CADM1: variants seen among roughly 807,000 people sequenced by gnomAD.
CADM1 encodes the protein cell adhesion molecule 1.
A neutral mutation model predicts 53.1 loss-of-function variants in CADM1; 15 were observed. The ratio of observed to expected loss-of-function variants is 0.28; its 90% confidence interval spans 0.19 to 0.44. The LOEUF is 0.44. Ranked by LOEUF, CADM1 falls within the 20% of genes least tolerant of loss-of-function variation. CADM1 has a pLI of 1.00. For synonymous variants in CADM1, 281 were observed against 243.0 expected (o/e 1.16, Z -1.45); for missense variants, 434 against 611.3 (o/e 0.71, Z 3.06).
At chr11:115,317,754 A>T (rs971629522) in intron 1 of CADM1, among the ~76,000 whole-genome samples, 11 of 152,216 alleles carry the variant, frequency 7.2e-5, no homozygotes, top group African/African-American at 2.4e-4. Context: ...TTCACCAAGC[A>T]CTTTCATTAA....
intron 1 of CADM1, among the ~76,000 whole-genome samples, chr11:115,453,367 C>G (rs221315): frequency 6.4e-4 from 94 of 147,730 alleles, no homozygotes; most frequent in African/African-American, 2.1e-3. Flanking sequence ...CCCTATACCC[C>G]CCTCGCCCCC....
At chr11:115,197,245 CAA>C (rs1361046681) in intron 9 of CADM1, among the ~76,000 whole-genome samples, 1 of 152,180 alleles carries the variant, frequency 6.6e-6, no homozygotes, top group Admixed American at 6.5e-5. Context: ...GGTGAGTTAT[CAA>C]ATGTAGGTCT....
At chr11:115,447,900 TTCTTTCTTAGGTGC>T (rs1948487428) in intron 1 of CADM1, among the ~76,000 whole-genome samples, 1 of 152,284 alleles carries the variant, frequency 6.6e-6, no homozygotes, top group South Asian at 2.1e-4. Flanking sequence ...GGGAAAGGTG[TTCTTTCTTAGGTGC>T]TCTTTCTTAG....
chr11:115,487,108 CT>C (rs1949391006), intron 1 of CADM1, among the ~76,000 whole-genome samples: 1 of 152,188 alleles, frequency 6.6e-6, no homozygotes, highest in African/African-American at 2.4e-5. Flanking sequence ...TTGCTCCAGC[CT>C]TGTTGTTTGG....
chr11:115,213,370 T>C (rs1941044158), intron 7 of CADM1, among the ~76,000 whole-genome samples: 1 of 152,224 alleles, frequency 6.6e-6, no homozygotes, highest in African/African-American at 2.4e-5. Context: ...AATGTTATTA[T>C]GTGTGAACAG....
rs1565349521 is a variant in CADM1, at chr11:115,295,548, A to AT, written c.125-55129dup. ...TATATATATATATATATATATATAT[A>AT]TAATATATATGTATATGCACATATA... On this transcript the variant is annotated intron_variant, in intron 1 of 11. Coordinates refer to ENST00000331581, the MANE Select transcript of CADM1 (RefSeq NM_001301043.2). Among the ~76,000 whole-genome samples, 276 of 55,576 alleles carry AT rather than the reference A, an allele frequency of 5.0e-3. 7 individuals are homozygous for AT. Among genetic ancestry groups the AT allele is most frequent in the East Asian group, 0.048 (23 of 482 alleles). 36.5% of individuals were successfully genotyped at this position (55,576 alleles called of 152,430 possible).
intron 1 of CADM1, among the ~76,000 whole-genome samples, chr11:115,340,626 T>TGATATATATA (rs1945404225): frequency 2.1e-5 from 1 of 48,246 alleles, no homozygotes; most frequent in Non-Finnish European, 3.4e-5. Context: ...ATAATAAATA[T>TGATATATATA]TATATATATA....
At chr11:115,208,634 A>T (rs1258905081) in intron 8 of CADM1, among the ~76,000 whole-genome samples, 1 of 152,176 alleles carries the variant, frequency 6.6e-6, no homozygotes, top group Non-Finnish European at 1.5e-5. Context: ...CTTTCAAGAG[A>T]TATTTTTTTC....
chr11:115,408,022 G>T (rs1003281651), intron 1 of CADM1, among the ~76,000 whole-genome samples: 1 of 151,814 alleles, frequency 6.6e-6, no homozygotes, highest in Non-Finnish European at 1.5e-5. Flanking sequence ...AGGGCTGGGT[G>T]TTGGGGGGTG....
In CADM1 at chr11:115,198,453, A is replaced by G. The variant is rs1384909371; in HGVS notation, c.1079-15T>C. On this transcript the variant is annotated splice_polypyrimidine_tract_variant and intron_variant, in intron 8 of 11. Coordinates refer to ENST00000331581, the MANE Select transcript of CADM1 (RefSeq NM_001301043.2). ...CGCCGTTGTGTCTACAGACGGGAAC[A>G]GAGGATTGGAGGAAGGGAAGAAACA... is the stretch of plus-strand genomic sequence containing the variant. 1 of 1,594,476 alleles carries G rather than the reference A, an allele frequency of 6.3e-7. No individual in the cohort carries two copies. Among genetic ancestry groups the G allele is most frequent in the Non-Finnish European group, 8.5e-7 (1 of 1,177,644 alleles).
At chr11:115,504,024 G>A (rs921931542) in intron 1 of CADM1, among the ~76,000 whole-genome samples, 2 of 152,130 alleles carry the variant, frequency 1.3e-5, no homozygotes, top group South Asian at 2.1e-4. Context: ...GCCAAGCCGG[G>A]GAGAGAAGGT....
intron 1 of CADM1, among the ~76,000 whole-genome samples, chr11:115,373,505 A>T (rs527549924): frequency 6.7e-6 from 1 of 149,280 alleles, no homozygotes; most frequent in Admixed American, 6.8e-5. Flanking sequence ...GAATTGCATG[A>T]ACCTGGGAGG....
chr11:115,433,916 T>C (rs566904206), intron 1 of CADM1, among the ~76,000 whole-genome samples: 2 of 152,350 alleles, frequency 1.3e-5, no homozygotes, highest in South Asian at 4.1e-4. Flanking sequence ...ATTATTTTAA[T>C]AGGATTACAT....
At chr11:115,368,001 A>G (rs1228182241) in intron 1 of CADM1, among the ~76,000 whole-genome samples, 2 of 151,604 alleles carry the variant, frequency 1.3e-5, no homozygotes, top group East Asian at 1.9e-4. Context: ...TCAAAATCAC[A>G]TGGCATATTA....
chr11:115,377,434 CT>C, intron 1 of CADM1: 1 of 152,246 alleles, frequency 6.6e-6, no homozygotes, highest in East Asian at 1.9e-4. Flanking sequence ...AAGTATGCAT[CT>C]TTTTGTTAAA....
chr11:115,367,806 CT>C (rs1320142263), intron 1 of CADM1, among the ~76,000 whole-genome samples: 2 of 151,730 alleles, frequency 1.3e-5, no homozygotes, highest in Non-Finnish European at 2.9e-5. Flanking sequence ...GAAGTAGATA[CT>C]TTATATATCC....
intron 1 of CADM1, among the ~76,000 whole-genome samples, chr11:115,299,037 T>G (rs544252507): frequency 6.6e-6 from 1 of 152,308 alleles, no homozygotes; most frequent in Non-Finnish European, 1.5e-5. Flanking sequence ...AAAGGTAATC[T>G]TAAATTGGGT....
intron 1 of CADM1, among the ~76,000 whole-genome samples, chr11:115,284,112 C>CTG (rs1209260854): frequency 1.5e-4 from 20 of 129,312 alleles, no homozygotes; most frequent in South Asian, 9.6e-4. Flanking sequence ...CTCTCTCTCT[C>CTG]TCTGTGTGTG....
intron 1 of CADM1, among the ~76,000 whole-genome samples, chr11:115,255,780 A>G (rs2134994943): frequency 6.6e-6 from 1 of 152,366 alleles, no homozygotes; most frequent in East Asian, 1.9e-4. Context: ...GCTCATGGAT[A>G]AAATCAATAG....
Sources: allele counts gnomAD v4.1 joint callset (sites outside exome capture counted in the v4.1 genomes callset), GRCh38; gene constraint gnomAD v4.1.1; transcripts MANE v1.5; gene names NCBI Gene and HGNC (gene_info 2026-07-23, HGNC 2026-07-21).